DGKB: variants seen among roughly 807,000 people sequenced by gnomAD.
DGKB encodes 90 kDa diacylglycerol kinase.
In DGKB, 67 loss-of-function variants were observed where a neutral mutation model predicts 114.3. The ratio of observed to expected loss-of-function variants is 0.59; its 90% CI spans 0.48 to 0.72. The LOEUF (loss-of-function observed/expected upper bound fraction) is 0.72, where lower values mean the gene tolerates loss of function less well. DGKB is among the 30% of genes least tolerant of loss of function. The pLI is 0.00. For missense variants in DGKB, 907 were observed against 975.2 expected (o/e 0.93, Z 0.93); for synonymous variants, 398 against 323.1 (o/e 1.23, Z -2.49).
intron 21 of DGKB, among the ~76,000 whole-genome samples, chr7:14,375,904 A>G (rs1285517592): frequency 6.6e-6 from 1 of 152,206 alleles, no homozygotes; most frequent in Non-Finnish European, 1.5e-5. Context: ...GTAAATTTCA[A>G]TCCTCTACAT....
At chr7:14,642,740 A>C (rs2128877226) in intron 13 of DGKB, among the ~76,000 whole-genome samples, 1 of 152,318 alleles carries the variant, frequency 6.6e-6, no homozygotes, top group Non-Finnish European at 1.5e-5. Flanking sequence ...TTTGGCACAA[A>C]CTTACTACAT....
intron 1 of DGKB, among the ~76,000 whole-genome samples, chr7:14,867,342 G>T (rs1420701066): frequency 6.6e-6 from 1 of 151,772 alleles, no homozygotes; most frequent in Non-Finnish European, 1.5e-5. Context: ...CTAAGATTTT[G>T]CTACTACTGC....
At chr7:14,593,169 C>G (rs955381456) in intron 17 of DGKB, among the ~76,000 whole-genome samples, 2 of 151,872 alleles carry the variant, frequency 1.3e-5, no homozygotes, top group Non-Finnish European at 2.9e-5. Context: ...TTCTGGAAAT[C>G]TCAAACAAAT....
intron 23 of DGKB, among the ~76,000 whole-genome samples, chr7:14,298,912 C>T (rs1199529534): frequency 1.3e-5 from 2 of 152,068 alleles, no homozygotes; most frequent in African/African-American, 4.8e-5. Flanking sequence ...CAAAAGAAGA[C>T]ATTTATGCAA....
intron 13 of DGKB, among the ~76,000 whole-genome samples, chr7:14,643,031 G>A (rs1563765926): frequency 6.6e-6 from 1 of 152,114 alleles, no homozygotes. Context: ...CTTAAACAAA[G>A]AAGGGCCACA....
rs546133526 is a variant in DGKB, at chr7:14,322,927, G to A, written c.2122+15588C>T. On this transcript the variant is annotated intron_variant, in intron 23 of 25. Transcript: ENST00000402815. ...CATCATTCAAAGTGTTGGAGAAGAT[G>A]TAGAGCAGTGATAGCCCTTGTGCAC... Among the ~76,000 whole-genome samples, 435 of 152,300 alleles carry A rather than the reference G, an allele frequency of 2.9e-3. 3 individuals carry two copies. Among genetic ancestry groups the A allele is most frequent in the African/African-American group, 0.01 (420 of 41,574 alleles).
At chr7:14,827,119 C>T (rs1229146883) in intron 2 of DGKB, among the ~76,000 whole-genome samples, 3 of 152,070 alleles carry the variant, frequency 2.0e-5, no homozygotes, top group African/African-American at 4.8e-5. Flanking sequence ...AGAAGAAAGA[C>T]CACCCAACCA....
intron 2 of DGKB, among the ~76,000 whole-genome samples, chr7:14,825,702 A>G (rs1845613482): frequency 6.6e-6 from 1 of 152,132 alleles, no homozygotes; most frequent in African/African-American, 2.4e-5. Context: ...AGTACAGGTC[A>G]GTGGCAGGGG....
chr7:14,773,651 T>C (rs1273120269), intron 2 of DGKB, among the ~76,000 whole-genome samples: 1 of 152,066 alleles, frequency 6.6e-6, no homozygotes, highest in African/African-American at 2.4e-5. Context: ...TATATAGTAA[T>C]ATAATCAACA....
chr7:14,621,712 A>G (rs141603443), intron 14 of DGKB, among the ~76,000 whole-genome samples: 1,599 of 152,138 alleles, frequency 0.011, 14 homozygotes, highest in Non-Finnish European at 0.019. Flanking sequence ...AATAATGAGA[A>G]AGAATACCAA....
intron 20 of DGKB, among the ~76,000 whole-genome samples, chr7:14,481,052 C>T (rs1332174848): frequency 6.6e-6 from 1 of 151,624 alleles, no homozygotes; most frequent in African/African-American, 2.4e-5. Context: ...ATAAGTCAAT[C>T]TTATTAAAGC....
In DGKB at chr7:14,266,963, A is replaced by C. The variant is rs180916193; in HGVS notation, c.2122+71552T>G. 2.8e-3 allele frequency among the ~76,000 whole-genome samples: 422 copies of C among 151,172 alleles called. 3 individuals are homozygous for C. The highest frequency in any genetic ancestry group is 9.8e-3 in the African/African-American group (402 of 40,964). ...CTTTGTCATCTAAACATTACCTTAT[A>C]TTTTAAAGCCAATTTGTTTTGTAAT... On this transcript the variant is annotated intron_variant, in intron 23 of 25. Transcript: ENST00000402815.
chr7:14,283,802 G>C (rs7791592), intron 23 of DGKB, among the ~76,000 whole-genome samples: 18,332 of 151,906 alleles, frequency 0.12, 3,182 homozygotes, highest in African/African-American at 0.38. Flanking sequence ...GGGAAAACTG[G>C]CTAGCCATAT....
At chr7:14,787,113 T>C (rs1348271443) in intron 2 of DGKB, among the ~76,000 whole-genome samples, 1 of 152,140 alleles carries the variant, frequency 6.6e-6, no homozygotes, top group Non-Finnish European at 1.5e-5. Flanking sequence ...AGAGCACCTC[T>C]TCACCTTACT....
chr7:14,779,353 T>G (rs1430922079), intron 2 of DGKB, among the ~76,000 whole-genome samples: 1 of 151,796 alleles, frequency 6.6e-6, no homozygotes, highest in African/African-American at 2.4e-5. Context: ...CTGGGAAACA[T>G]GGTGAAACCT....
chr7:14,509,926 C>A (rs540377218), intron 20 of DGKB, among the ~76,000 whole-genome samples: 17 of 152,240 alleles, frequency 1.1e-4, no homozygotes, highest in Middle Eastern at 6.8e-3. Context: ...CTATAATCCC[C>A]GCACATTGGG....
At chr7:14,625,266 T>C (rs1018521121) in intron 14 of DGKB, among the ~76,000 whole-genome samples, 1 of 152,154 alleles carries the variant, frequency 6.6e-6, no homozygotes, top group East Asian at 1.9e-4. Context: ...ATGTGTGGAA[T>C]TTGTGCAATT....
intron 21 of DGKB, among the ~76,000 whole-genome samples, chr7:14,415,025 G>T (rs1472886312): frequency 6.6e-6 from 1 of 151,500 alleles, no homozygotes; most frequent in African/African-American, 2.4e-5. Flanking sequence ...CCCTCCTATA[G>T]AGTCTCACCA....
At chr7:14,941,300 T>A (rs59987688) in intron 1 of DGKB, among the ~76,000 whole-genome samples, 5,876 of 151,918 alleles carry the variant, frequency 0.039, 356 homozygotes, top group African/African-American at 0.13. Context: ...TTGTGTGGAG[T>A]CTGGTCTTAC....
Sources: allele counts gnomAD v4.1 joint callset (sites outside exome capture counted in the v4.1 genomes callset), GRCh38; gene constraint gnomAD v4.1.1; transcripts MANE v1.5; gene names NCBI Gene and HGNC (gene_info 2026-07-23, HGNC 2026-07-21).